ONECUT3: variants seen among roughly 807,000 people sequenced by gnomAD.
ONECUT3 encodes one cut domain family member 3.
ONECUT3 carries 11 observed loss-of-function variants against 16.8 expected under a neutral mutation model. That is an observed-to-expected ratio of 0.66 (90% CI 0.41 to 1.09). The LOEUF (loss-of-function observed/expected upper bound fraction) is 1.09, where lower values mean the gene tolerates loss of function less well. ONECUT3 is among the 50% of genes least tolerant of loss of function. The pLI, the probability that ONECUT3 is intolerant of heterozygous loss-of-function variation, is 0.00. For missense variants in ONECUT3, 637 were observed against 629.9 expected (o/e 1.01, Z -0.12); for synonymous variants, 344 against 310.7 (o/e 1.11, Z -1.13).
Position 1,754,464 on chromosome 19 carries a change from G to C in ONECUT3, c.802G>C (p.Gly268Arg). 1 of 985,374 alleles carries C rather than the reference G, an allele frequency of 1.0e-6. No individual in the cohort carries two copies. Among genetic ancestry groups the C allele is most frequent in the South Asian group, 4.6e-5 (1 of 21,890 alleles). The allele number at this position is 985,374 out of a possible 1,614,324, so 61.0% of individuals were successfully genotyped here. A position where few individuals can be genotyped will look rare whatever the true frequency, so the allele number is the denominator to read the frequency against. Residue 268 changes from glycine to arginine, a missense_variant, in exon 1 of 2, where the codon GGC becomes CGC. Coordinates refer to ENST00000382349, the MANE Select transcript of ONECUT3 (RefSeq NM_001080488.2). This position sits in a 1 kb window ranked among gnomAD's most constrained non-coding sequence, Gnocchi z 7.4. ...ALARGLPGGG[G>R]GTGSGGAGSG... is the part of the protein sequence containing the mutation. ...GGCCCGCGGGCTGCCCGGAGGCGGC[G>C]GCGGCACAGGCAGCGGCGGAGCGGG...
chr19:1,754,629 A>AC lies in ONECUT3; in HGVS notation c.969dup (p.Lys324GlnfsTer152). The AC allele has an allele frequency of 6.7e-7, 1 of 1,497,248 alleles. No individual in the cohort carries two copies. Among genetic ancestry groups the AC allele is most frequent in the Non-Finnish European group, 8.9e-7 (1 of 1,125,088 alleles). 92.7% of individuals were successfully genotyped at this position (1,497,248 alleles called of 1,614,324 possible). A position where few individuals can be genotyped will look rare whatever the true frequency, so the allele number is the denominator to read the frequency against. ...GGGCGCAGCGGCCGAGGAGATCAAC[A>AC]CCAAGGAGGTGGCGCAGCGCATCAC... On this transcript the variant is annotated frameshift_variant, in exon 1 of 2. Transcript: ENST00000382349. LOFTEE classifies it high-confidence loss of function. The surrounding 1 kb of genome is among the most constrained non-coding windows in gnomAD (Gnocchi z 7.4).
chr19:1,780,183 C>T lies in ONECUT3; in HGVS notation c.*4738C>T, dbSNP rs1000089348. 3 of 152,294 alleles carry T rather than the reference C, an allele frequency of 2.0e-5. No individual in the cohort carries two copies. Among genetic ancestry groups the T allele is most frequent in the African/African-American group, 7.2e-5 (3 of 41,520 alleles). 9.4% of individuals were successfully genotyped at this position (152,294 alleles called of 1,614,324 possible). A position where few individuals can be genotyped will look rare whatever the true frequency, so the allele number is the denominator to read the frequency against. ...CAGGCACCAGCACCCCCTCCCCCCC[C>T]ACCTCCACCCAGACAGCCTCGGCCT... is the stretch of plus-strand genomic sequence containing the variant. On this transcript the variant is annotated 3_prime_UTR_variant, in exon 2 of 2. Transcript: ENST00000382349.
rs973169916 is a variant in ONECUT3, at chr19:1,754,467, G to A, written c.805G>A (p.Gly269Ser). The A allele has an allele frequency of 7.5e-5, 74 of 984,720 alleles. 2 individuals carry two copies. Among genetic ancestry groups the A allele is most frequent in the East Asian group, 1.1e-4 (1 of 8,872 alleles). The allele number at this position is 984,720 out of a possible 1,614,324, so 61.0% of individuals were successfully genotyped here. A position where few individuals can be genotyped will look rare whatever the true frequency, so the allele number is the denominator to read the frequency against. ...CCGCGGGCTGCCCGGAGGCGGCGGCGGCACAGGCAGCGGCGGAGCGGGCAG... is the reference window on the plus strand; with the variant it reads ...CCGCGGGCTGCCCGGAGGCGGCGGCAGCACAGGCAGCGGCGGAGCGGGCAG... ...LARGLPGGGG[G>S]TGSGGAGSGS... Residue 269 changes from glycine to serine, a missense_variant, in exon 1 of 2, where the codon GGC becomes AGC. Coordinates refer to ENST00000382349, the MANE Select transcript of ONECUT3 (RefSeq NM_001080488.2). The surrounding 1 kb of genome is among the most constrained non-coding windows in gnomAD (Gnocchi z 7.4).
rs2068151075 is a variant in ONECUT3, at chr19:1,780,818, A to G, written c.*5373A>G. The G allele has an allele frequency of 6.6e-6, 1 of 152,234 alleles. No homozygotes were observed. The highest frequency in any genetic ancestry group is 6.5e-5 in the Admixed American group (1 of 15,284). The allele number at this position is 152,234 out of a possible 1,614,324, so 9.4% of individuals were successfully genotyped here. On this transcript the variant is annotated 3_prime_UTR_variant, in exon 2 of 2. Transcript: ENST00000382349. ...CTCAGCCGGGGGTGACGGAAGAGCC[A>G]GGAGGCCCTGCGGCCTTGAGTGTTT... is the stretch of plus-strand genomic sequence containing the variant.
At chr19:1,760,423 G>A (rs558327462) in intron 1 of ONECUT3, among the ~76,000 whole-genome samples, 1 of 151,806 alleles carries the variant, frequency 6.6e-6, no homozygotes, top group Admixed American at 6.6e-5. Context: ...AGGGACCGGC[G>A]GGGGGGCGGG....
chr19:1,772,950 G>T (rs939945536), intron 1 of ONECUT3, among the ~76,000 whole-genome samples: 1 of 144,342 alleles, frequency 6.9e-6, no homozygotes, highest in Non-Finnish European at 1.5e-5. Flanking sequence ...TGATCCGCCC[G>T]CCTCGGCCTC....
At position 1,764,821 on chromosome 19, in the gene ONECUT3, A is replaced by C. The variant is rs1316400332; in HGVS notation, c.1192+9967A>C. 7.7e-6 allele frequency among the ~76,000 whole-genome samples: 1 copy of C among 130,302 alleles called. No homozygotes were observed. Among genetic ancestry groups the C allele is most frequent in the Non-Finnish European group, 1.6e-5 (1 of 60,846 alleles). The allele number at this position is 130,302 out of a possible 152,430, so 85.5% of individuals were successfully genotyped here. A position where few individuals can be genotyped will look rare whatever the true frequency, so the allele number is the denominator to read the frequency against. On this transcript the variant is annotated intron_variant, in intron 1 of 1. Transcript: ENST00000382349. This position sits in a 1 kb window ranked among gnomAD's most constrained non-coding sequence, Gnocchi z 5.0. The stretch of plus-strand genomic sequence containing the variant: ...CACGGGGGGGGGATGCGCAGGGGGG[A>C]CAAGACACCAGCATGGGGGTGGGGG...
chr19:1,754,058 C>A lies in ONECUT3; in HGVS notation c.396C>A (p.Ala132=). The A allele has an allele frequency of 1.0e-6, 1 of 993,700 alleles. No individual in the cohort carries two copies. Among genetic ancestry groups the A allele is most frequent in the Non-Finnish European group, 1.2e-6 (1 of 837,266 alleles). 61.6% of individuals were successfully genotyped at this position (993,700 alleles called of 1,614,324 possible). ...TCCACCAGCACGCGGCGGCCGCGGCCGTGGCCGGGGCGCACGGCGGCCATC... is the reference window on the plus strand; with the variant it reads ...TCCACCAGCACGCGGCGGCCGCGGCAGTGGCCGGGGCGCACGGCGGCCATC... ...DKFHQHAAAA[A]VAGAHGGHPH... Residue 132 remains alanine (A), a synonymous_variant, in exon 1 of 2, where the codon GCC becomes GCA. Transcript: ENST00000382349. The surrounding 1 kb of genome is among the most constrained non-coding windows in gnomAD (Gnocchi z 7.4).
At chr19:1,761,766 G>A (rs551799730) in intron 1 of ONECUT3, among the ~76,000 whole-genome samples, 2 of 152,334 alleles carry the variant, frequency 1.3e-5, no homozygotes, top group East Asian at 3.9e-4. Flanking sequence ...ACCTTGGGCA[G>A]CCTTGGGACA....
At chr19:1,774,417 C>CA (rs58392959) in intron 1 of ONECUT3, among the ~76,000 whole-genome samples, 121 of 146,132 alleles carry the variant, frequency 8.3e-4, no homozygotes, top group Non-Finnish European at 1.0e-3. Context: ...TTCCCCTCCG[C>CA]AAAAAAAAAA....
chr19:1,754,487 G>T lies in ONECUT3; in HGVS notation c.825G>T (p.Ala275=), dbSNP rs986042124. ...GGGGGTGSGG[A]GSGSAAGLLA... is the part of the protein sequence containing the mutation. ...GCGGCGGCACAGGCAGCGGCGGAGC[G>T]GGCAGCGGGAGCGCCGCGGGGCTGC... is the stretch of plus-strand genomic sequence containing the variant. Residue 275 remains alanine, a synonymous_variant, in exon 1 of 2, where the codon GCG becomes GCT. Transcript: ENST00000382349. The surrounding 1 kb of genome is among the most constrained non-coding windows in gnomAD (Gnocchi z 7.4). 2.0e-5 allele frequency: 20 copies of T among 981,738 alleles called. No homozygotes were observed. The highest frequency in any genetic ancestry group is 6.3e-5 in the Admixed American group (1 of 15,770). The allele number at this position is 981,738 out of a possible 1,614,324, so 60.8% of individuals were successfully genotyped here. A position where few individuals can be genotyped will look rare whatever the true frequency, so the allele number is the denominator to read the frequency against.
At position 1,755,983 on chromosome 19, in the gene ONECUT3, C is replaced by CAATA. The variant is rs2145955935; in HGVS notation, c.1192+1129_1192+1130insAATA. Among the ~76,000 whole-genome samples the CAATA allele has an allele frequency of 6.6e-6, 1 of 152,308 alleles. No homozygotes were observed. The highest frequency in any genetic ancestry group is 2.1e-4 in the South Asian group (1 of 4,824). ...ACCCGGGCCACAGGGACAATAGCCG[C>CAATA]GGCGGCTGGCGCCTGATCGATCGCT... On this transcript the variant is annotated intron_variant, in intron 1 of 1. Coordinates refer to ENST00000382349, the MANE Select transcript of ONECUT3 (RefSeq NM_001080488.2). The surrounding 1 kb of genome is among the most constrained non-coding windows in gnomAD (Gnocchi z 7.5).
At chr19:1,757,365 C>T (rs899556496) in intron 1 of ONECUT3, among the ~76,000 whole-genome samples, 2 of 152,250 alleles carry the variant, frequency 1.3e-5, no homozygotes, top group African/African-American at 4.8e-5. Flanking sequence ...GACAAACAGT[C>T]TCAGCTCTGG....
Position 1,775,249 on chromosome 19 carries a change from T to A in ONECUT3, c.1289T>A (p.Ile430Asn). 6.3e-7 allele frequency: 1 copy of A among 1,596,116 alleles called. No individual in the cohort carries two copies. Among genetic ancestry groups the A allele is most frequent in the African/African-American group, 1.3e-5 (1 of 74,226 alleles). The change falls in exon 2 of 2, where the codon ATC becomes AAC. Residue 430 changes from isoleucine (I) to asparagine (N), a missense_variant. Physicochemically the swap from Ile to Asn is moderately radical, Grantham distance 149 (BLOSUM62 -3). Transcript: ENST00000382349. ...VFTDLQRRTL[I>N]AIFKENKRPS... is the part of the protein sequence containing the mutation. ...ACCGACCTGCAGCGACGCACGCTGA[T>A]CGCCATCTTCAAGGAGAACAAGCGG...
rs1247865452 is a variant in ONECUT3, at chr19:1,766,984, C to CGGGCT, written c.1193-8168_1193-8164dup. ...CCTGGGAGTCCCAGAGGAGGGGCCC[C>CGGGCT]GGGCTCCGCTGCGGGGGGAGGGAGG... On this transcript the variant is annotated intron_variant, in intron 1 of 1. Coordinates refer to ENST00000382349, the MANE Select transcript of ONECUT3 (RefSeq NM_001080488.2). This position sits in a 1 kb window ranked among gnomAD's most constrained non-coding sequence, Gnocchi z 4.0. Among the ~76,000 whole-genome samples, 1 of 151,592 alleles carries CGGGCT rather than the reference C, an allele frequency of 6.6e-6. No homozygotes were observed. The highest frequency in any genetic ancestry group is 1.5e-5 in the Non-Finnish European group (1 of 67,846).
At position 1,775,514 on chromosome 19, in the gene ONECUT3, A is replaced by C. The variant is rs963105924; in HGVS notation, c.*69A>C. 33 of 1,371,102 alleles carry C rather than the reference A, an allele frequency of 2.4e-5. No individual in the cohort carries two copies. Among genetic ancestry groups the C allele is most frequent in the East Asian group, 1.2e-4 (4 of 33,378 alleles). The allele number at this position is 1,371,102 out of a possible 1,614,324, so 84.9% of individuals were successfully genotyped here. A position where few individuals can be genotyped will look rare whatever the true frequency, so the allele number is the denominator to read the frequency against. On this transcript the variant is annotated 3_prime_UTR_variant, in exon 2 of 2. Transcript: ENST00000382349. ...CTGTGCCCCCACGTCACCTCCCCAC[A>C]TCCTGCCGGCCCGGAGACCCGCCCC...
chr19:1,762,702 G>A lies in ONECUT3; in HGVS notation c.1192+7848G>A, dbSNP rs1161796517. ...CCTCAGGGTCACTGGTGCGGGCTCCGCAGGAAAGCGCAGCCCCCAGCAGGC... is the reference window on the plus strand; with the variant it reads ...CCTCAGGGTCACTGGTGCGGGCTCCACAGGAAAGCGCAGCCCCCAGCAGGC... On this transcript the variant is annotated intron_variant, in intron 1 of 1. Transcript: ENST00000382349. The surrounding 1 kb of genome is among the most constrained non-coding windows in gnomAD (Gnocchi z 4.4). Among the ~76,000 whole-genome samples, 1 of 152,218 alleles carries A rather than the reference G, an allele frequency of 6.6e-6. No individual in the cohort carries two copies. The highest frequency in any genetic ancestry group is 1.5e-5 in the Non-Finnish European group (1 of 68,032).
At chr19:1,770,361 C>A (rs568783432) in intron 1 of ONECUT3, among the ~76,000 whole-genome samples, 1 of 152,198 alleles carries the variant, frequency 6.6e-6, no homozygotes, top group East Asian at 1.9e-4. Context: ...TGCTTGAGCC[C>A]AGGAGTTCAA....
intron 1 of ONECUT3, among the ~76,000 whole-genome samples, chr19:1,773,475 G>A (rs540820159): frequency 6.6e-6 from 1 of 152,298 alleles, no homozygotes. Flanking sequence ...CATGGCAGAA[G>A]GAACATTCAT....
Sources: gnomAD v4.1 joint callset for allele counts (sites outside exome capture counted in the v4.1 genomes callset) on GRCh38, gnomAD v4.1.1 for gene constraint, Gnocchi (gnomAD v3.1) non-coding constraint, MANE v1.5 for transcripts, NCBI Gene and HGNC (gene_info 2026-07-23, HGNC 2026-07-21) for gene names.